The following SSBP2 variants were observed in gnomAD, a reference collection of about 807,000 sequenced individuals.
SSBP2 encodes single stranded DNA binding protein 2.
A neutral mutation model predicts 61.8 loss-of-function variants in SSBP2; 17 were observed. The ratio of observed to expected loss-of-function variants is 0.28; its 90% confidence interval spans 0.19 to 0.41. The LOEUF (loss-of-function observed/expected upper bound fraction) is 0.41. Ranked by LOEUF, SSBP2 falls within the 10% of genes least tolerant of loss-of-function variation. The pLI, the probability that SSBP2 is intolerant of heterozygous loss-of-function variation, is 1.00. For synonymous variants in SSBP2, 139 were observed against 141.3 expected (o/e 0.98, Z 0.12); for missense variants, 310 against 458.7 (o/e 0.68, Z 2.96).
At chr5:81,572,726 CT>C (rs1472905437) in intron 4 of SSBP2, among the ~76,000 whole-genome samples, 1 of 152,196 alleles carries the variant, frequency 6.6e-6, no homozygotes, top group African/African-American at 2.4e-5. Context: ...TACTCTTCCT[CT>C]TTTAACTTAC....
At chr5:81,449,308 C>T (rs1763613363) in intron 10 of SSBP2, among the ~76,000 whole-genome samples, 1 of 152,130 alleles carries the variant, frequency 6.6e-6, no homozygotes, top group African/African-American at 2.4e-5. Flanking sequence ...AAGCTCTTCA[C>T]CAAGCTCTTT....
intron 1 of SSBP2, among the ~76,000 whole-genome samples, chr5:81,743,105 G>C (rs1240238476): frequency 1.3e-5 from 2 of 152,048 alleles, no homozygotes; most frequent in Non-Finnish European, 2.9e-5. Context: ...TTTATCCTTA[G>C]GGTTTGAAAG....
intron 1 of SSBP2, among the ~76,000 whole-genome samples, chr5:81,671,791 G>A (rs2153789884): frequency 6.6e-6 from 1 of 152,224 alleles, no homozygotes; most frequent in African/African-American, 2.4e-5. Context: ...CATGTGACAG[G>A]TGTACAGGCA....
chr5:81,442,634 A>T lies in SSBP2; in HGVS notation c.849+19T>A, dbSNP rs1290851986. 5.6e-6 allele frequency: 8 copies of T among 1,440,960 alleles called. No homozygotes were observed. Among genetic ancestry groups the T allele is most frequent in the Middle Eastern group, 3.5e-4 (2 of 5,706 alleles). 89.3% of individuals were successfully genotyped at this position (1,440,960 alleles called of 1,614,324 possible). The stretch of plus-strand genomic sequence containing the variant: ...AAGTCTTCAAATACATTCCAAAAAT[A>T]AAAAAAGTTCATATTTACATTAGGT... On this transcript the variant is annotated intron_variant, in intron 13 of 16. Transcript: ENST00000320672.
intron 1 of SSBP2, among the ~76,000 whole-genome samples, chr5:81,654,193 G>C (rs940121407): frequency 4.6e-5 from 7 of 152,184 alleles, no homozygotes; most frequent in African/African-American, 1.4e-4. Context: ...CCGAACTCCT[G>C]AACTCAAGAG....
At chr5:81,468,800 C>T (rs1055691360) in intron 8 of SSBP2, among the ~76,000 whole-genome samples, 1 of 151,940 alleles carries the variant, frequency 6.6e-6, no homozygotes, top group African/African-American at 2.4e-5. Flanking sequence ...TTAAGGAAAT[C>T]TCATTTAAAT....
Position 81,446,841 on chromosome 5 carries a change from C to T in SSBP2, c.778+27G>A, listed in dbSNP as rs779614837. 52 of 1,589,202 alleles carry T rather than the reference C, an allele frequency of 3.3e-5. 1 individual carries two copies. The South Asian group carries it at 5.8e-4, about 18-fold the overall frequency. ...GTGATTTTATTCTAATAATCAAATG[C>T]CCATGTGGCTAGTTTGATTACAATA... On this transcript the variant is annotated intron_variant, in intron 12 of 16. Coordinates refer to ENST00000320672, the MANE Select transcript of SSBP2 (RefSeq NM_012446.5).
intron 5 of SSBP2, among the ~76,000 whole-genome samples, chr5:81,510,787 A>G (rs906174001): frequency 5.3e-5 from 8 of 152,116 alleles, no homozygotes; most frequent in African/African-American, 1.9e-4. Context: ...CACTTGGAGT[A>G]CTGTAAAAGA....
Position 81,705,212 on chromosome 5 carries a change from AGGGG to A in SSBP2, c.62+45765_62+45768del, listed in dbSNP as rs1257859976. ...TGTGAACACTCTTGTGCATAGTGAT[AGGGG>A]AGAGGAAAACACTTGAAAATATGTT... On this transcript the variant is annotated intron_variant, in intron 1 of 16. Transcript: ENST00000320672. Among the ~76,000 whole-genome samples, 5 of 152,164 alleles carry A rather than the reference AGGGG, an allele frequency of 3.3e-5. 1 individual carries two copies. The highest frequency in any genetic ancestry group is 9.7e-5 in the African/African-American group (4 of 41,448).
At chr5:81,531,072 C>A (rs546578225) in intron 4 of SSBP2, among the ~76,000 whole-genome samples, 56 of 150,774 alleles carry the variant, frequency 3.7e-4, no homozygotes, top group South Asian at 8.4e-4. Context: ...CAAAACCAAA[C>A]CAAAACAAAA....
chr5:81,450,509 C>T (rs6866156), intron 10 of SSBP2, among the ~76,000 whole-genome samples: 70,743 of 152,096 alleles, frequency 0.47, 20,481 homozygotes, highest in African/African-American at 0.83. Context: ...ATATTTGGAA[C>T]TTGCAGTTCA....
intron 1 of SSBP2, among the ~76,000 whole-genome samples, chr5:81,691,609 T>C (rs1753206057): frequency 6.6e-6 from 1 of 151,770 alleles, no homozygotes; most frequent in South Asian, 2.1e-4. Context: ...CCCATTAACT[T>C]CACTGCTGAA....
At chr5:81,601,030 C>CTTA (rs778715023) in intron 4 of SSBP2, among the ~76,000 whole-genome samples, 11 of 152,276 alleles carry the variant, frequency 7.2e-5, no homozygotes, top group Middle Eastern at 3.4e-3. Context: ...ACATGAAGTA[C>CTTA]TTATATCAGT....
intron 6 of SSBP2, among the ~76,000 whole-genome samples, chr5:81,481,531 A>G (rs1765986936): frequency 6.6e-6 from 1 of 151,622 alleles, no homozygotes; most frequent in Non-Finnish European, 1.5e-5. Context: ...TGAGCAGGAG[A>G]ATCGCTTGAA....
intron 4 of SSBP2, among the ~76,000 whole-genome samples, chr5:81,528,978 A>G (rs1353771140): frequency 2.6e-5 from 4 of 152,082 alleles, no homozygotes; most frequent in Non-Finnish European, 4.4e-5. Flanking sequence ...ATTTTCCCGC[A>G]ATTCATTTAA....
At chr5:81,501,285 G>A (rs1264328629) in intron 5 of SSBP2, among the ~76,000 whole-genome samples, 193 of 51,166 alleles carry the variant, frequency 3.8e-3, no homozygotes, top group Non-Finnish European at 4.9e-3. Flanking sequence ...ACACACACAT[G>A]CACATACACC....
At chr5:81,487,826 T>A (rs1341514023) in intron 6 of SSBP2, among the ~76,000 whole-genome samples, 2 of 151,002 alleles carry the variant, frequency 1.3e-5, no homozygotes, top group African/African-American at 4.8e-5. Flanking sequence ...TTTCCCTGAC[T>A]TTCTAGCCTC....
chr5:81,597,670 A>G (rs1743909526), intron 4 of SSBP2, among the ~76,000 whole-genome samples: 1 of 152,096 alleles, frequency 6.6e-6, no homozygotes, highest in African/African-American at 2.4e-5. Context: ...ATGGAATACT[A>G]TGCAGCCATA....
chr5:81,429,162 T>A (rs74823506), intron 15 of SSBP2, among the ~76,000 whole-genome samples: 3,860 of 152,246 alleles, frequency 0.025, 170 homozygotes, highest in African/African-American at 0.086. Flanking sequence ...ATTTCAACCA[T>A]TTTTACATGA....
Sources: allele counts gnomAD v4.1 joint callset (sites outside exome capture counted in the v4.1 genomes callset), GRCh38; gene constraint gnomAD v4.1.1; transcripts MANE v1.5; gene names NCBI Gene and HGNC (gene_info 2026-07-23, HGNC 2026-07-21).